BHMT2: variants seen among roughly 807,000 people sequenced by gnomAD.
The protein encoded by BHMT2 is betaine--homocysteine S-methyltransferase 2.
Under a neutral mutation model 39.0 loss-of-function variants are expected in BHMT2, and 28 were observed. The ratio of observed to expected loss-of-function variants is 0.72; its 90% CI spans 0.53 to 0.98. BHMT2 has a LOEUF of 0.98. BHMT2 is among the 50% of genes least tolerant of loss of function. BHMT2 has a pLI of 0.00. For synonymous variants in BHMT2, 145 were observed against 160.6 expected (o/e 0.90, Z 0.74); for missense variants, 410 against 455.6 (o/e 0.90, Z 0.91).
At chr5:79,083,568 A>G (rs908724887) in intron 6 of BHMT2, 60 bp from the exon 7 acceptor site, 3 of 1,591,074 alleles carry the variant, frequency 1.9e-6, no homozygotes, top group Non-Finnish European at 8.6e-7. Flanking sequence ...TGCTCATTAG[A>G]GCATCCATCA....
chr5:79,087,802 G>A (rs963700301), intron 7 of BHMT2, among the ~76,000 whole-genome samples: 6 of 152,212 alleles, frequency 3.9e-5, no homozygotes, highest in South Asian at 2.1e-4. Context: ...AACTGTTCTC[G>A]TATTCTTCTC....
At chr5:79,088,400 T>TGTGGA (rs1580256736) in intron 7 of BHMT2, 93 bp from the exon 8 acceptor site, 6 of 492,562 alleles carry the variant, frequency 1.2e-5, no homozygotes, top group South Asian at 2.2e-5. Flanking sequence ...GTGTGTGTGG[T>TGTGGA]TATATACATA....
chr5:79,083,145 G>T, intron 5 of BHMT2, 47 bp from the exon 6 acceptor site: 9 of 1,588,360 alleles, frequency 5.7e-6, no homozygotes, highest in Non-Finnish European at 7.7e-6. Context: ...TAAAAAAAAA[G>T]AATAAACAAA....
intron 3 of BHMT2, 58 bp from the exon 4 acceptor site, chr5:79,080,629 T>C: frequency 6.8e-7 from 1 of 1,474,616 alleles, no homozygotes; most frequent in Non-Finnish European, 9.1e-7. Flanking sequence ...AGTTATCTTT[T>C]ATATTTTACC....
chr5:79,069,832 C>G lies in BHMT2; in HGVS notation c.33+17C>G, dbSNP rs376333321. 3 of 1,416,052 alleles carry G rather than the reference C, an allele frequency of 2.1e-6. No homozygotes were observed. Among genetic ancestry groups the G allele is most frequent in the East Asian group, 6.0e-5 (2 of 33,336 alleles). The allele number at this position is 1,416,052 out of a possible 1,614,324, so 87.7% of individuals were successfully genotyped here. A position where few individuals can be genotyped will look rare whatever the true frequency, so the allele number is the denominator to read the frequency against. ...GCCAAGAAGGTGAGTTTCGTCCCCT[C>G]GATCCTCGCGGAGCTCCTGGCCGCT... On this transcript the variant is annotated intron_variant, in intron 1 of 7. Coordinates refer to ENST00000255192, the MANE Select transcript of BHMT2 (RefSeq NM_017614.5).
intron 6 of BHMT2, 103 bp downstream of exon 6, chr5:79,083,477 CA>C: frequency 6.8e-7 from 1 of 1,476,090 alleles, no homozygotes; most frequent in Non-Finnish European, 9.1e-7. Flanking sequence ...CTGCATATGA[CA>C]AAACATTCAG....
chr5:79,074,308 T>C (rs942787744), intron 1 of BHMT2, among the ~76,000 whole-genome samples: 5 of 152,312 alleles, frequency 3.3e-5, no homozygotes, highest in African/African-American at 1.2e-4. Flanking sequence ...TGCCATTCGA[T>C]GGAGATTAAG....
chr5:79,076,486 G>C (rs950786821), intron 1 of BHMT2, among the ~76,000 whole-genome samples: 11 of 152,144 alleles, frequency 7.2e-5, no homozygotes, highest in African/African-American at 2.4e-4. Flanking sequence ...GTATCAAAAG[G>C]AAACTGCACC....
At chr5:79,077,396 C>A in intron 1 of BHMT2, 84 bp from the exon 2 acceptor site, 1 of 1,512,940 alleles carries the variant, frequency 6.6e-7, no homozygotes. Flanking sequence ...GAACGTAATA[C>A]CACTTCACCT....
Position 79,079,418 on chromosome 5 carries a change from G to C in BHMT2, c.216G>C (p.Gln72His). 6.2e-7 allele frequency: 1 copy of C among 1,614,036 alleles called. No homozygotes were observed. Among genetic ancestry groups the C allele is most frequent in the South Asian group, 1.1e-5 (1 of 91,064 alleles). Residue 72 changes from glutamine (Q) to histidine (H), a missense_variant, in exon 3 of 8, where the codon CAG becomes CAC. Gln to His is a conservative substitution (Grantham distance 24, BLOSUM62 0). Transcript: ENST00000255192. ...TGAGAGCAGGATCAAATGTCATGCA[G>C]ACTTTTACCTTTTCTGCCAGTGAGG... ...EFLRAGSNVM[Q>H]TFTFSASEDN...
At chr5:79,074,807 G>T (rs1335996404) in intron 1 of BHMT2, among the ~76,000 whole-genome samples, 1 of 152,224 alleles carries the variant, frequency 6.6e-6, no homozygotes. Context: ...TTGCAGCAAG[G>T]TAGAGCCATG....
Position 79,069,999 on chromosome 5 carries a change from G to A in BHMT2, c.33+184G>A, listed in dbSNP as rs112134454. Among the ~76,000 whole-genome samples the A allele has an allele frequency of 7.2e-3, 1,089 of 152,292 alleles. 10 individuals are homozygous for A. Among genetic ancestry groups the A allele is most frequent in the African/African-American group, 0.024 (1,018 of 41,574 alleles). On this transcript the variant is annotated intron_variant, in intron 1 of 7. Coordinates refer to ENST00000255192, the MANE Select transcript of BHMT2 (RefSeq NM_017614.5). ...TTAGCGTTTATGGAGCCCTTACTCG[G>A]TGCCTGGCGCTGCACAGAGTGCTGT...
chr5:79,088,893 A>C lies in BHMT2; in HGVS notation c.*319A>C, dbSNP rs1269639396. 1 of 204,410 alleles carries C rather than the reference A, an allele frequency of 4.9e-6. No homozygotes were observed. The highest frequency in any genetic ancestry group is 2.3e-5 in the African/African-American group (1 of 43,158). 12.7% of individuals were successfully genotyped at this position (204,410 alleles called of 1,614,324 possible). ...TGAAGAATAGCCAAACTTGTCTTTG[A>C]GGGTGAATTTGACACTTTAAAATAA... On this transcript the variant is annotated 3_prime_UTR_variant, in exon 8 of 8. Transcript: ENST00000255192.
intron 1 of BHMT2, among the ~76,000 whole-genome samples, chr5:79,074,978 A>T (rs1442337838): frequency 6.6e-6 from 1 of 152,184 alleles, no homozygotes; most frequent in African/African-American, 2.4e-5. Flanking sequence ...TGAGGAGGAC[A>T]GTACCCTAGG....
chr5:79,081,014 G>C (rs545673077), intron 4 of BHMT2, 136 bp downstream of exon 4: 1 of 803,902 alleles, frequency 1.2e-6, no homozygotes, highest in East Asian at 3.2e-5. Flanking sequence ...TTATTTAAAT[G>C]CATGGTAGTC....
At chr5:79,081,035 T>G in intron 4 of BHMT2, 157 bp downstream of exon 4, 2 of 634,192 alleles carry the variant, frequency 3.2e-6, no homozygotes, top group Non-Finnish European at 5.0e-6. Flanking sequence ...AAGGCCAACA[T>G]TCCCTCATTG....
chr5:79,086,725 CT>C (rs1159953287), intron 7 of BHMT2, among the ~76,000 whole-genome samples: 1 of 152,072 alleles, frequency 6.6e-6, no homozygotes, highest in African/African-American at 2.4e-5. Context: ...CATACTTGGT[CT>C]GACTTTCTTT....
intron 1 of BHMT2, among the ~76,000 whole-genome samples, chr5:79,074,844 A>C (rs747208263): frequency 6.6e-6 from 1 of 152,224 alleles, no homozygotes; most frequent in Non-Finnish European, 1.5e-5. Flanking sequence ...CAGGAAATGT[A>C]AATGTCAATG....
At chr5:79,076,921 G>A (rs1755682769) in intron 1 of BHMT2, among the ~76,000 whole-genome samples, 1 of 152,230 alleles carries the variant, frequency 6.6e-6, no homozygotes, top group Non-Finnish European at 1.5e-5. Context: ...GATGACTGCT[G>A]TATTCCCAGG....
Sources: allele counts gnomAD v4.1 joint callset (sites outside exome capture counted in the v4.1 genomes callset), GRCh38; gene constraint gnomAD v4.1.1; transcripts MANE v1.5; gene names NCBI Gene and HGNC (gene_info 2026-07-23, HGNC 2026-07-21).